Variants in MORN1 observed in about 807,000 individuals in gnomAD.
MORN1 encodes MORN repeat containing 1.
In MORN1, 67 loss-of-function variants were observed where a neutral mutation model predicts 61.9. The observed-to-expected ratio is 1.08, with a 90% CI of 0.89 to 1.33. The LOEUF (loss-of-function observed/expected upper bound fraction) is 1.33, where lower values mean the gene tolerates loss of function less well. MORN1 is among the 40% of genes most tolerant of loss of function. The pLI is 0.00. For synonymous variants in MORN1, 301 were observed against 292.0 expected (o/e 1.03, Z -0.31); for missense variants, 752 against 691.2 (o/e 1.09, Z -0.99).
At chr1:2,346,703 G>A (rs750632855) in intron 10 of MORN1, among the ~76,000 whole-genome samples, 1 of 152,118 alleles carries the variant, frequency 6.6e-6, no homozygotes, top group Non-Finnish European at 1.5e-5. Context: ...AATTTTAAAG[G>A]AAAAGACAAA....
At position 2,358,701 on chromosome 1, in the gene MORN1, CCCGG is replaced by C; in HGVS notation, c.756_759del (p.Arg253SerfsTer179). 1 of 1,612,288 alleles carries C rather than the reference CCCGG, an allele frequency of 6.2e-7. No homozygotes were observed. The highest frequency in any genetic ancestry group is 8.5e-7 in the Non-Finnish European group (1 of 1,179,052). ...CTGACGCCCGCTGAGATCTGCAGGA[CCCGG>C]CCGCTCTCGCCTTCCAGGAGAGAGG... is the stretch of plus-strand genomic sequence containing the variant. On this transcript the variant is annotated frameshift_variant, in exon 9 of 14. Coordinates refer to ENST00000378531, the MANE Select transcript of MORN1 (RefSeq NM_024848.3). LOFTEE classifies it high-confidence loss of function.
intron 13 of MORN1, chr1:2,323,755 G>A: frequency 7.1e-6 from 7 of 985,334 alleles, no homozygotes; most frequent in Non-Finnish European, 8.4e-6. Flanking sequence ...AGCCACTGTG[G>A]GCCTTGACAG....
chr1:2,331,701 T>G (rs997021081), intron 12 of MORN1, among the ~76,000 whole-genome samples: 20 of 152,120 alleles, frequency 1.3e-4, no homozygotes, highest in African/African-American at 4.6e-4. Context: ...TAGGGAACAG[T>G]CAAAGACGAC....
intron 10 of MORN1, among the ~76,000 whole-genome samples, chr1:2,348,510 C>T (rs1193630953): frequency 6.6e-6 from 1 of 152,216 alleles, no homozygotes; most frequent in African/African-American, 2.4e-5. Context: ...TTCAGACGCG[C>T]ACCTGGGTAC....
chr1:2,344,567 G>A (rs747227583), intron 10 of MORN1, among the ~76,000 whole-genome samples: 10 of 152,202 alleles, frequency 6.6e-5, no homozygotes, highest in Non-Finnish European at 1.3e-4. Context: ...GGGGGGTCCC[G>A]TGTGGGCCGG....
chr1:2,384,974 G>C lies in MORN1; in HGVS notation c.537+4C>G, dbSNP rs1557893828. The C allele has an allele frequency of 6.4e-7, 1 of 1,567,980 alleles. No homozygotes were observed. Among genetic ancestry groups the C allele is most frequent in the East Asian group, 2.3e-5 (1 of 42,850 alleles). On this transcript the variant is annotated splice_donor_region_variant and intron_variant, in intron 6 of 13. Coordinates refer to ENST00000378531, the MANE Select transcript of MORN1 (RefSeq NM_024848.3). ...GGCAGCAGGTGCCGCGCGCCCCCGGGTACCTTGTAGGTGGAGCCGTCGGCG... is the reference window on the plus strand; with the variant it reads ...GGCAGCAGGTGCCGCGCGCCCCCGGCTACCTTGTAGGTGGAGCCGTCGGCG...
At chr1:2,325,146 CCCTTCCTTCCCTCCCTT>C (rs1640988687) in intron 12 of MORN1, among the ~76,000 whole-genome samples, 1 of 19,398 alleles carries the variant, frequency 5.2e-5, no homozygotes, top group Non-Finnish European at 9.8e-5. Context: ...CTCCCTCCCT[CCCTTCCTTCCCTCCCTT>C]CCTTCCTTTC....
intron 13 of MORN1, chr1:2,322,431 C>G (rs1211942677): frequency 1.0e-6 from 1 of 985,250 alleles, no homozygotes; most frequent in Non-Finnish European, 1.2e-6. Flanking sequence ...AACAGCGCTC[C>G]CCTCGCAGAG....
intron 9 of MORN1, among the ~76,000 whole-genome samples, chr1:2,358,342 G>A (rs1232701838): frequency 6.6e-6 from 1 of 152,150 alleles, no homozygotes; most frequent in Non-Finnish European, 1.5e-5. Flanking sequence ...GAGGCTTGGG[G>A]GCCGAGCGCT....
intron 10 of MORN1, among the ~76,000 whole-genome samples, chr1:2,354,859 C>T (rs533077661): frequency 1.1e-4 from 17 of 152,336 alleles, no homozygotes; most frequent in African/African-American, 2.9e-4. Flanking sequence ...AGGCAGAGCT[C>T]GGCACCCAAC....
rs746311187 is a variant in MORN1, at chr1:2,389,090, C to A, written c.149-753G>T. Among the ~76,000 whole-genome samples the A allele has an allele frequency of 2.9e-3, 364 of 123,862 alleles. 1 individual carries two copies. The highest frequency in any genetic ancestry group is 0.021 in the Middle Eastern group (4 of 192). The allele number at this position is 123,862 out of a possible 152,430, so 81.3% of individuals were successfully genotyped here. A position where few individuals can be genotyped will look rare whatever the true frequency, so the allele number is the denominator to read the frequency against. ...TGGCAGCATTGCACTCCAGCCTGGG[C>A]AACAAGAGCAAAACTCTGTCTCCAA... On this transcript the variant is annotated intron_variant, in intron 2 of 13. Transcript: ENST00000378531.
At chr1:2,336,591 A>G in intron 11 of MORN1, 43 bp from the exon 12 acceptor site, 4 of 1,608,750 alleles carry the variant, frequency 2.5e-6, no homozygotes, top group Non-Finnish European at 3.4e-6. Flanking sequence ...AAAGGCTCAG[A>G]AGGTGGGCCT....
chr1:2,323,146 G>A (rs1032230080), intron 13 of MORN1: 7 of 985,334 alleles, frequency 7.1e-6, no homozygotes, highest in Admixed American at 6.1e-5. Context: ...GCTGGGACGC[G>A]GTGGACCGGT....
chr1:2,351,799 G>GGATA (rs1641654342), intron 10 of MORN1: 1 of 562,192 alleles, frequency 1.8e-6, no homozygotes, highest in Admixed American at 2.0e-5. Flanking sequence ...CCATCTTGTA[G>GGATA]GATACGTCTC....
At chr1:2,387,724 TGCAGACA>T in intron 3 of MORN1, 195 bp from the exon 4 acceptor site, 1 of 591,946 alleles carries the variant, frequency 1.7e-6, no homozygotes, top group South Asian at 2.0e-5. Context: ...CAGCTGGGCA[TGCAGACA>T]GCCCCAGGCA....
intron 6 of MORN1, chr1:2,379,173 G>T: frequency 2.1e-6 from 1 of 471,088 alleles, no homozygotes; most frequent in Non-Finnish European, 4.4e-6. Context: ...CATGGTGCCT[G>T]GGTAGCAGCC....
At chr1:2,346,566 A>G (rs1641520152) in intron 10 of MORN1, among the ~76,000 whole-genome samples, 1 of 151,976 alleles carries the variant, frequency 6.6e-6, no homozygotes, top group African/African-American at 2.4e-5. Context: ...TTGTATTTTT[A>G]GTAGGGATGG....
intron 6 of MORN1, among the ~76,000 whole-genome samples, chr1:2,379,440 C>T (rs764801512): frequency 1.1e-4 from 17 of 152,308 alleles, no homozygotes; most frequent in South Asian, 2.1e-4. Flanking sequence ...GCGCCTACCT[C>T]GTGGCCCTGA....
intron 12 of MORN1, chr1:2,332,229 C>G (rs1347558465): frequency 9.4e-6 from 2 of 212,098 alleles, no homozygotes; most frequent in Non-Finnish European, 1.9e-5. Flanking sequence ...GCACCGGCGT[C>G]CCCCAGTGGA....
Sources: gnomAD v4.1 joint callset for allele counts (sites outside exome capture counted in the v4.1 genomes callset) on GRCh38, gnomAD v4.1.1 for gene constraint, MANE v1.5 for transcripts, NCBI Gene and HGNC (gene_info 2026-07-23, HGNC 2026-07-21) for gene names.